The following C8orf34 variants were observed in gnomAD, a reference collection of about 807,000 sequenced individuals.
C8orf34 encodes uncharacterized protein C8orf34.
A neutral mutation model predicts 68.3 loss-of-function variants in C8orf34; 65 were observed. That is an observed-to-expected ratio of 0.95 (90% CI 0.78 to 1.17). The LOEUF is 1.17. C8orf34 is among the 50% of genes most tolerant of loss of function. The probability of loss-of-function intolerance (pLI) is 0.00; values close to 1 mark genes in which losing one functional copy is unlikely to be tolerated. For synonymous variants in C8orf34, 244 were observed against 241.2 expected, an observed-to-expected ratio of 1.01 and a Z score of -0.11; for missense variants, 664 against 655.4, an observed-to-expected ratio of 1.01 and a Z score of -0.14.
intron 7 of C8orf34, among the ~76,000 whole-genome samples, chr8:68,556,530 T>C (rs1816259426): frequency 6.6e-6 from 1 of 152,090 alleles, no homozygotes; most frequent in Non-Finnish European, 1.5e-5. Flanking sequence ...GAAGACTGTA[T>C]GTAGCGCACA....
intron 1 of C8orf34, among the ~76,000 whole-genome samples, chr8:68,399,489 G>A (rs1808858086): frequency 6.6e-6 from 1 of 152,042 alleles, no homozygotes; most frequent in Non-Finnish European, 1.5e-5. Flanking sequence ...AAAAGACATG[G>A]TTTCATTCTT....
At chr8:68,642,313 A>G (rs913851257) in intron 8 of C8orf34, among the ~76,000 whole-genome samples, 3 of 152,244 alleles carry the variant, frequency 2.0e-5, no homozygotes, top group African/African-American at 7.2e-5. Flanking sequence ...AAAGCAAAGG[A>G]GAAATATATT....
intron 10 of C8orf34, among the ~76,000 whole-genome samples, chr8:68,744,970 AG>A: frequency 6.6e-6 from 1 of 152,282 alleles, no homozygotes; most frequent in East Asian, 1.9e-4. Context: ...AAAAATGTTA[AG>A]GGCAGCCAGA....
At position 68,331,032 on chromosome 8, in the gene C8orf34, C is replaced by G; in HGVS notation, c.20C>G (p.Ser7Trp). The change falls in exon 1 of 14, where the codon TCG becomes TGG. Residue 7 changes from serine to tryptophan, a missense_variant. Coordinates refer to ENST00000518698, the MANE Select transcript of C8orf34 (RefSeq NM_052958.4). MSSPLA[S>W]ELSELAALRP... ...CGATGAATGAGTTCTCCCCTCGCCT[C>G]GGAGTTGTCTGAGTTGGCGGCGCTG... 1.4e-6 allele frequency: 2 copies of G among 1,462,730 alleles called. No individual in the cohort carries two copies. The highest frequency in any genetic ancestry group is 1.8e-6 in the Non-Finnish European group (2 of 1,119,892). The allele number at this position is 1,462,730 out of a possible 1,614,324, so 90.6% of individuals were successfully genotyped here. A position where few individuals can be genotyped will look rare whatever the true frequency, so the allele number is the denominator to read the frequency against.
At chr8:68,376,358 A>G (rs1807799588) in intron 1 of C8orf34, among the ~76,000 whole-genome samples, 1 of 152,186 alleles carries the variant, frequency 6.6e-6, no homozygotes, top group South Asian at 2.1e-4. Flanking sequence ...GTTTAGAATG[A>G]TGGAAGCTGA....
At chr8:68,509,349 G>C (rs574570856) in intron 5 of C8orf34, among the ~76,000 whole-genome samples, 3 of 152,286 alleles carry the variant, frequency 2.0e-5, no homozygotes, top group African/African-American at 7.2e-5. Flanking sequence ...GGGGAGCTAA[G>C]GACAGCTCAA....
intron 1 of C8orf34, among the ~76,000 whole-genome samples, chr8:68,389,834 C>A (rs1267643656): frequency 2.0e-5 from 3 of 152,086 alleles, no homozygotes; most frequent in African/African-American, 7.2e-5. Flanking sequence ...AATATATTTG[C>A]TTTTCACAGA....
At chr8:68,794,354 A>G (rs1318993815) in intron 12 of C8orf34, among the ~76,000 whole-genome samples, 1 of 149,836 alleles carries the variant, frequency 6.7e-6, no homozygotes, top group Admixed American at 6.7e-5. Flanking sequence ...TTATTTTTGT[A>G]GAAACAAGGT....
intron 3 of C8orf34, among the ~76,000 whole-genome samples, chr8:68,457,306 T>C (rs941432857): frequency 6.6e-6 from 1 of 152,158 alleles, no homozygotes; most frequent in Non-Finnish European, 1.5e-5. Flanking sequence ...TGAAAAATCA[T>C]GATATGGAAA....
At chr8:68,615,555 T>A (rs1007630753) in intron 7 of C8orf34, among the ~76,000 whole-genome samples, 1 of 152,328 alleles carries the variant, frequency 6.6e-6, no homozygotes, top group African/African-American at 2.4e-5. Flanking sequence ...AATCATGTGG[T>A]TTTTGACTTT....
chr8:68,628,042 T>C (rs1053472473), intron 7 of C8orf34, among the ~76,000 whole-genome samples: 3 of 152,208 alleles, frequency 2.0e-5, no homozygotes, highest in African/African-American at 7.2e-5. Context: ...TCTTTCTTTA[T>C]TGATCTCATG....
chr8:68,426,855 G>C (rs1186606157), intron 1 of C8orf34, among the ~76,000 whole-genome samples: 1 of 150,018 alleles, frequency 6.7e-6, no homozygotes, highest in East Asian at 2.0e-4. Context: ...GGCAACAAGA[G>C]TGAAACTCCG....
At chr8:68,647,723 A>G (rs1357504478) in intron 8 of C8orf34, among the ~76,000 whole-genome samples, 1 of 152,242 alleles carries the variant, frequency 6.6e-6, no homozygotes, top group Non-Finnish European at 1.5e-5. Flanking sequence ...GTTGTTTAGC[A>G]TAGTTATAAG....
chr8:68,469,454 G>A (rs928357474), intron 4 of C8orf34, among the ~76,000 whole-genome samples: 3 of 151,870 alleles, frequency 2.0e-5, no homozygotes, highest in Admixed American at 2.0e-4. Flanking sequence ...TAGGTGTGAA[G>A]GTTTAAAAAT....
At chr8:68,385,891 C>CT (rs1196398512) in intron 1 of C8orf34, among the ~76,000 whole-genome samples, 37 of 152,178 alleles carry the variant, frequency 2.4e-4, no homozygotes, top group African/African-American at 8.4e-4. Flanking sequence ...GAAAAATCAG[C>CT]TTTATTTTAC....
chr8:68,421,199 T>C (rs889556776), intron 1 of C8orf34, among the ~76,000 whole-genome samples: 1 of 152,174 alleles, frequency 6.6e-6, no homozygotes, highest in Non-Finnish European at 1.5e-5. Flanking sequence ...TCCTCTATTC[T>C]AAATAAAACG....
At chr8:68,632,304 A>G (rs1818713576) in intron 7 of C8orf34, among the ~76,000 whole-genome samples, 1 of 152,154 alleles carries the variant, frequency 6.6e-6, no homozygotes, top group South Asian at 2.1e-4. Flanking sequence ...CTTGAGAAAG[A>G]TGATTTAGGG....
intron 3 of C8orf34, 50 bp from the exon 4 acceptor site, chr8:68,468,642 T>G (rs752377431): frequency 6.3e-7 from 1 of 1,581,428 alleles, no homozygotes; most frequent in South Asian, 1.1e-5. Context: ...ATAGTCAGTT[T>G]GTGTCATTAT....
chr8:68,405,158 G>A (rs1240142571), intron 1 of C8orf34, among the ~76,000 whole-genome samples: 2 of 152,040 alleles, frequency 1.3e-5, no homozygotes, highest in Non-Finnish European at 2.9e-5. Flanking sequence ...TCTTAAGATG[G>A]TTTGATGATC....
Sources: gnomAD v4.1 joint callset for allele counts (sites outside exome capture counted in the v4.1 genomes callset) on GRCh38, gnomAD v4.1.1 for gene constraint, MANE v1.5 for transcripts, NCBI Gene and HGNC (gene_info 2026-07-23, HGNC 2026-07-21) for gene names.